Variants in BICC1 observed in about 807,000 individuals in gnomAD.
The protein encoded by BICC1 is BicC family RNA binding protein 1.
A neutral mutation model predicts 111.0 loss-of-function variants in BICC1; 43 were observed. That is an observed-to-expected ratio of 0.39 (90% CI 0.30 to 0.50). The LOEUF (loss-of-function observed/expected upper bound fraction) is 0.50, where lower values mean the gene tolerates loss of function less well. BICC1 is among the 20% of genes least tolerant of loss of function. BICC1 has a pLI of 0.88. For synonymous variants in BICC1, 467 were observed against 434.4 expected (o/e 1.07, Z -0.93); for missense variants, 1,091 against 1,203.2 (o/e 0.91, Z 1.38).
At position 58,799,168 on chromosome 10, in the gene BICC1, T is replaced by A. The variant is rs1843456472; in HGVS notation, c.1641T>A (p.Pro547=). ...TYGHTAPSPP[P]GLTPVDVHIN... ...GGCACACAGCTCCATCTCCCCCTCC[T>A]GGCTTGACTCCTGTTGATGTCCATA... The change falls in exon 12 of 21, where the codon CCT becomes CCA. Residue 547 remains proline (P), a synonymous_variant. Transcript: ENST00000373886. 3.7e-6 allele frequency: 6 copies of A among 1,613,904 alleles called. No homozygotes were observed. The East Asian group carries it at 1.1e-4, about 30-fold the overall frequency.
At position 58,546,703 on chromosome 10, in the gene BICC1, C is replaced by T. The variant is rs563904789; in HGVS notation, c.190+33370C>T. Among the ~76,000 whole-genome samples the T allele has an allele frequency of 1.7e-3, 259 of 152,072 alleles. 2 individuals carry two copies. The highest frequency in any genetic ancestry group is 2.9e-3 in the Non-Finnish European group (195 of 68,012). On this transcript the variant is annotated intron_variant, in intron 1 of 20. Transcript: ENST00000373886. ...ACACCCACAGTTGACCACAGTTTTA[C>T]CTAATTAAGTAAAAAACTTTTTTTA...
At chr10:58,711,988 G>T (rs1471870789) in intron 3 of BICC1, among the ~76,000 whole-genome samples, 2 of 151,938 alleles carry the variant, frequency 1.3e-5, no homozygotes, top group Non-Finnish European at 2.9e-5. Flanking sequence ...AATATACAAA[G>T]AACTTTTTAA....
chr10:58,719,956 A>T (rs1357116121), intron 3 of BICC1, among the ~76,000 whole-genome samples: 1 of 152,202 alleles, frequency 6.6e-6, no homozygotes, highest in Non-Finnish European at 1.5e-5. Context: ...GTATGTCTGA[A>T]ACAAGACTGA....
At chr10:58,605,875 A>G (rs920162167) in intron 1 of BICC1, among the ~76,000 whole-genome samples, 14 of 152,220 alleles carry the variant, frequency 9.2e-5, no homozygotes, top group Admixed American at 7.9e-4. Context: ...CAACTAATAT[A>G]CAAACATTTC....
At chr10:58,700,062 G>A (rs369362052) in intron 2 of BICC1, among the ~76,000 whole-genome samples, 10 of 152,144 alleles carry the variant, frequency 6.6e-5, no homozygotes, top group Admixed American at 1.3e-4. Context: ...AGTTAAATCC[G>A]GGGCCTGCTG....
In BICC1 at chr10:58,829,032, AT is replaced by A; in HGVS notation, c.*142del. The A allele has an allele frequency of 1.1e-6, 1 of 913,894 alleles. No individual in the cohort carries two copies. The highest frequency in any genetic ancestry group is 1.6e-6 in the Non-Finnish European group (1 of 625,388). 56.6% of individuals were successfully genotyped at this position (913,894 alleles called of 1,614,324 possible). On this transcript the variant is annotated 3_prime_UTR_variant, in exon 21 of 21. Coordinates refer to ENST00000373886, the MANE Select transcript of BICC1 (RefSeq NM_001080512.3). ...AGCATTTTATTCGCACCTGTACTTT[AT>A]GGCAAAAAGGAAGAAGAGAGAGAAG...
intron 8 of BICC1, 88 bp from the exon 9 acceptor site, chr10:58,793,395 TA>T: frequency 8.3e-7 from 1 of 1,206,048 alleles, no homozygotes; most frequent in East Asian, 2.4e-5. Flanking sequence ...ATCTGTAAAA[TA>T]GTGCATTATT....
At chr10:58,708,559 G>T (rs1405238791) in intron 3 of BICC1, among the ~76,000 whole-genome samples, 1 of 152,098 alleles carries the variant, frequency 6.6e-6, no homozygotes, top group South Asian at 2.1e-4. Flanking sequence ...AGTGCACAGG[G>T]TTTTATAGAC....
At chr10:58,529,864 A>G (rs1380054176) in intron 1 of BICC1, among the ~76,000 whole-genome samples, 1 of 151,908 alleles carries the variant, frequency 6.6e-6, no homozygotes. Context: ...ATATTTGACC[A>G]AGTCTAAAAA....
chr10:58,653,583 A>C (rs974234462), intron 2 of BICC1, among the ~76,000 whole-genome samples: 1 of 152,204 alleles, frequency 6.6e-6, no homozygotes, highest in Non-Finnish European at 1.5e-5. Context: ...TCAACATGGA[A>C]AACTGCTGAA....
chr10:58,700,837 G>A (rs765763689), intron 2 of BICC1, among the ~76,000 whole-genome samples: 9 of 152,192 alleles, frequency 5.9e-5, no homozygotes, highest in Non-Finnish European at 7.3e-5. Context: ...GGGAATGTGA[G>A]TGGTCTGTGC....
At chr10:58,592,476 G>A (rs1844651477) in intron 1 of BICC1, among the ~76,000 whole-genome samples, 1 of 152,130 alleles carries the variant, frequency 6.6e-6, no homozygotes, top group South Asian at 2.1e-4. Flanking sequence ...ACTTTGGGAG[G>A]CCGAGGCAGG....
At chr10:58,579,113 G>T (rs1010813002) in intron 1 of BICC1, among the ~76,000 whole-genome samples, 2 of 152,078 alleles carry the variant, frequency 1.3e-5, no homozygotes, top group Non-Finnish European at 2.9e-5. Flanking sequence ...ACCACTGGTG[G>T]TCAGCCCCAC....
intron 1 of BICC1, among the ~76,000 whole-genome samples, chr10:58,558,646 C>T (rs1165062940): frequency 6.6e-6 from 1 of 152,108 alleles, no homozygotes; most frequent in Non-Finnish European, 1.5e-5. Context: ...TTAATCTTAA[C>T]TCTAAGCAAC....
chr10:58,598,881 G>A (rs976731815), intron 1 of BICC1, among the ~76,000 whole-genome samples: 3 of 151,998 alleles, frequency 2.0e-5, no homozygotes, highest in African/African-American at 4.8e-5. Context: ...ACATTTATGC[G>A]GCCAACAGAC....
rs756959125 is a variant in BICC1 at position 58,789,708 on chromosome 10, T to G, written c.822T>G (p.His274Gln). The G allele has an allele frequency of 3.1e-6, 5 of 1,614,182 alleles. No individual in the cohort carries two copies. In the Admixed American group the frequency reaches 5.0e-5, roughly 16 times the overall value. The change falls in exon 8 of 21, where the codon CAT becomes CAG. Residue 274 changes from histidine (H) to glutamine (Q), a missense_variant. Transcript: ENST00000373886. ...AAGGAACTGCCATGCTGTTAGAACA[T>G]CTTGCTGGGAGCTTAGCATCAGCTA... is the stretch of plus-strand genomic sequence containing the variant. ...VKEGTAMLLE[H>Q]LAGSLASAIP...
At chr10:58,528,886 C>T (rs1842613118) in intron 1 of BICC1, among the ~76,000 whole-genome samples, 1 of 151,858 alleles carries the variant, frequency 6.6e-6, no homozygotes, top group African/African-American at 2.4e-5. Context: ...AGGGATTTGC[C>T]TTGATCTTTA....
At chr10:58,662,853 A>G (rs1254841564) in intron 2 of BICC1, among the ~76,000 whole-genome samples, 1 of 152,210 alleles carries the variant, frequency 6.6e-6, no homozygotes, top group African/African-American at 2.4e-5. Flanking sequence ...GAAAACTTGT[A>G]TAAAGTGAAT....
At chr10:58,663,359 A>G (rs972837729) in intron 2 of BICC1, among the ~76,000 whole-genome samples, 1 of 152,086 alleles carries the variant, frequency 6.6e-6, no homozygotes, top group East Asian at 1.9e-4. Context: ...GAATCACCAC[A>G]TCCGGCCCAA....
Sources: gnomAD v4.1 joint callset for allele counts (sites outside exome capture counted in the v4.1 genomes callset) on GRCh38, gnomAD v4.1.1 for gene constraint, MANE v1.5 for transcripts, NCBI Gene and HGNC (gene_info 2026-07-23, HGNC 2026-07-21) for gene names.